The following ACVR1B variants were observed in gnomAD, a reference collection of about 807,000 sequenced individuals.
The protein encoded by ACVR1B is activin receptor type-1B.
ACVR1B carries 15 observed loss-of-function variants against 55.6 expected under a neutral mutation model. The ratio of observed to expected loss-of-function variants is 0.27; its 90% CI spans 0.18 to 0.42. The LOEUF is 0.42. Among genes scored for constraint, ACVR1B ranks in the 10% least tolerant of loss-of-function variants. The pLI is 1.00. For missense variants in ACVR1B, 359 were observed against 670.1 expected, an observed-to-expected ratio of 0.54 and a Z score of 5.13; for synonymous variants, 247 against 254.6, an observed-to-expected ratio of 0.97 and a Z score of 0.28.
intron 1 of ACVR1B, among the ~76,000 whole-genome samples, chr12:51,973,529 G>A (rs1941787349): frequency 6.6e-6 from 1 of 152,228 alleles, no homozygotes; most frequent in East Asian, 1.9e-4. Flanking sequence ...GAAAGAATAA[G>A]AGAGGGAGCA....
At chr12:51,961,808 A>C (rs1393428749) in intron 1 of ACVR1B, among the ~76,000 whole-genome samples, 1 of 152,242 alleles carries the variant, frequency 6.6e-6, no homozygotes, top group East Asian at 1.9e-4. Flanking sequence ...AACTGATATC[A>C]AAGGAGAAAT....
At chr12:51,963,245 T>G (rs1941571090) in intron 1 of ACVR1B, among the ~76,000 whole-genome samples, 1 of 152,012 alleles carries the variant, frequency 6.6e-6, no homozygotes, top group Admixed American at 6.5e-5. Context: ...TTATTTTTTA[T>G]GTATTTATTT....
intron 1 of ACVR1B, among the ~76,000 whole-genome samples, chr12:51,956,266 A>G (rs1941406234): frequency 6.6e-6 from 1 of 152,216 alleles, no homozygotes; most frequent in African/African-American, 2.4e-5. Flanking sequence ...AATTTAGCAT[A>G]ATGAAAGTAA....
intron 1 of ACVR1B, 113 bp from the exon 2 acceptor site, chr12:51,975,152 T>A: frequency 2.0e-6 from 3 of 1,464,226 alleles, no homozygotes. Flanking sequence ...CCCATCTCTA[T>A]AAAAACTGTT....
At chr12:51,992,165 T>A (rs1014103109) in intron 8 of ACVR1B, 172 bp downstream of exon 8, 12 of 833,778 alleles carry the variant, frequency 1.4e-5, no homozygotes, top group South Asian at 1.8e-5. Context: ...CAGTCTCTTG[T>A]CCTGGACCCT....
intron 1 of ACVR1B, among the ~76,000 whole-genome samples, chr12:51,969,608 A>G (rs1251946866): frequency 6.6e-6 from 1 of 152,238 alleles, no homozygotes; most frequent in Admixed American, 6.5e-5. Context: ...TTATAGAGGT[A>G]AGTATGCATG....
chr12:51,956,740 A>C (rs796184415), intron 1 of ACVR1B, among the ~76,000 whole-genome samples: 3 of 151,564 alleles, frequency 2.0e-5, no homozygotes, highest in Non-Finnish European at 4.4e-5. Context: ...CTGTCAATAC[A>C]TAACCTTATT....
chr12:51,951,718 CGGCG>C lies in ACVR1B; in HGVS notation c.-24_-21del. ...CGCGCTGGGCGCTGCTGGGCTGCGG[CGGCG>C]GCGGCGGCGGCGGTGGTTACTATGG... On this transcript the variant is annotated 5_prime_UTR_variant, in exon 1 of 9. Coordinates refer to ENST00000257963, the MANE Select transcript of ACVR1B (RefSeq NM_004302.5). The C allele has an allele frequency of 5.3e-6, 5 of 950,186 alleles. No homozygotes were observed. Among genetic ancestry groups the C allele is most frequent in the Non-Finnish European group, 6.7e-6 (5 of 751,526 alleles). The allele number at this position is 950,186 out of a possible 1,614,324, so 58.9% of individuals were successfully genotyped here.
At chr12:51,990,264 G>C (rs1942164614) in intron 7 of ACVR1B, among the ~76,000 whole-genome samples, 1 of 149,762 alleles carries the variant, frequency 6.7e-6, no homozygotes, top group Admixed American at 6.6e-5. Context: ...TTGCACTCCA[G>C]CCTGGGTGGC....
chr12:51,968,727 A>G (rs1941690002), intron 1 of ACVR1B, among the ~76,000 whole-genome samples: 1 of 152,122 alleles, frequency 6.6e-6, no homozygotes, highest in Non-Finnish European at 1.5e-5. Context: ...CTGTCATGCT[A>G]TGAGGAGCCT....
intron 1 of ACVR1B, among the ~76,000 whole-genome samples, chr12:51,970,996 C>T (rs550504066): frequency 6.6e-6 from 1 of 152,256 alleles, no homozygotes; most frequent in Non-Finnish European, 1.5e-5. Context: ...CGCCATCATG[C>T]TGCACACTCC....
At chr12:51,962,219 T>G (rs1941544450) in intron 1 of ACVR1B, among the ~76,000 whole-genome samples, 1 of 152,242 alleles carries the variant, frequency 6.6e-6, no homozygotes, top group Non-Finnish European at 1.5e-5. Flanking sequence ...CCAAGACCTT[T>G]TCCCAGATTG....
intron 3 of ACVR1B, among the ~76,000 whole-genome samples, chr12:51,979,756 CA>C (rs1161210742): frequency 6.6e-6 from 1 of 152,008 alleles, no homozygotes; most frequent in Non-Finnish European, 1.5e-5. Flanking sequence ...AATGAATGTT[CA>C]TTTTTTCCTT....
intron 3 of ACVR1B, among the ~76,000 whole-genome samples, chr12:51,979,269 C>T (rs1208167312): frequency 1.3e-5 from 2 of 151,318 alleles, no homozygotes; most frequent in Non-Finnish European, 2.9e-5. Flanking sequence ...AGTTCGAGAC[C>T]AGCCTGACCA....
chr12:51,992,987 A>AT (rs781612503), intron 8 of ACVR1B, among the ~76,000 whole-genome samples: 2 of 152,048 alleles, frequency 1.3e-5, no homozygotes, highest in East Asian at 3.8e-4. Context: ...CCTTTTACTT[A>AT]TTTTTTTCCC....
intron 8 of ACVR1B, among the ~76,000 whole-genome samples, chr12:51,992,797 G>A (rs73102791): frequency 0.031 from 4,661 of 152,246 alleles, 97 homozygotes; most frequent in Middle Eastern, 0.054. Context: ...TGGGAGAGAC[G>A]GCAGATGAAA....
chr12:51,990,312 CTT>C (rs71092738), intron 7 of ACVR1B, among the ~76,000 whole-genome samples: 1 of 89,586 alleles, frequency 1.1e-5, no homozygotes. Context: ...AAATTTAGTG[CTT>C]TTTTTTTTTT....
chr12:51,958,945 T>C (rs1242332805), intron 1 of ACVR1B, among the ~76,000 whole-genome samples: 1 of 152,206 alleles, frequency 6.6e-6, no homozygotes, highest in Non-Finnish European at 1.5e-5. Flanking sequence ...GCACCTGTCA[T>C]ATACTAGGCA....
chr12:51,976,656 T>C, intron 3 of ACVR1B, 81 bp downstream of exon 3: 1 of 1,544,112 alleles, frequency 6.5e-7, no homozygotes, highest in South Asian at 1.2e-5. Context: ...TAGAGAAGGC[T>C]GGAGGCCCTG....
Sources: allele counts gnomAD v4.1 joint callset (sites outside exome capture counted in the v4.1 genomes callset), GRCh38; gene constraint gnomAD v4.1.1; transcripts MANE v1.5; gene names NCBI Gene and HGNC (gene_info 2026-07-23, HGNC 2026-07-21).